Variants in GNG3 observed in about 807,000 individuals in gnomAD.
GNG3 encodes the protein guanine nucleotide-binding protein G(I)/G(S)/G(O) subunit gamma-3.
Under a neutral mutation model 5.6 loss-of-function variants are expected in GNG3, and 4 were observed. The ratio of observed to expected loss-of-function variants is 0.71; its 90% CI spans 0.35 to 1.63. The LOEUF (loss-of-function observed/expected upper bound fraction) is 1.63. Ranked by LOEUF, GNG3 falls within the 40% of genes most tolerant of loss-of-function variation. The pLI is 0.05. For missense variants in GNG3, 62 were observed against 96.6 expected (o/e 0.64, Z 1.50); for synonymous variants, 30 against 33.5 (o/e 0.89, Z 0.36).
chr11:62,708,182 A>T, intron 1 of GNG3, 113 bp from the exon 2 acceptor site: 1 of 762,278 alleles, frequency 1.3e-6, no homozygotes, highest in South Asian at 1.4e-5. Context: ...GGAGGATAGG[A>T]GGGGAACAAA....
chr11:62,707,554 A>C (rs114591017), upstream of GNG3: 2,149 of 593,714 alleles, frequency 3.6e-3, 30 homozygotes, highest in African/African-American at 0.033. Context: ...CAGAGTCAGG[A>C]TGCCTGCAAT....
In GNG3 at chr11:62,708,688, C is replaced by T. The variant is rs2083584360; in HGVS notation, c.110C>T (p.Ala37Val). 2 of 1,613,836 alleles carry T rather than the reference C, an allele frequency of 1.2e-6. No homozygotes were observed. Among genetic ancestry groups the T allele is most frequent in the East Asian group, 4.5e-5 (2 of 44,882 alleles). The change falls in exon 3 of 3, where the codon GCA (alanine) becomes GTA (valine). Residue 37 changes from alanine to valine, a missense_variant. Coordinates refer to ENST00000294117, the MANE Select transcript of GNG3 (RefSeq NM_012202.5). ...CTGGCTGTGTCCCAGGTGTCCAAGG[C>T]AGCAGCAGACCTGATGACTTACTGT... The part of the protein sequence containing the change: ...ASLCRIKVSK[A>V]AADLMTYCDA...
intron 2 of GNG3, 72 bp downstream of exon 2, chr11:62,708,466 A>G: frequency 2.3e-6 from 3 of 1,279,510 alleles, no homozygotes; most frequent in East Asian, 2.3e-5. Flanking sequence ...AAAGCTCAAG[A>G]TAAGAGATGC....
At position 62,708,285 on chromosome 11, in the gene GNG3, T is replaced by C. The variant is rs2083577063; in HGVS notation, c.-1-10T>C. On this transcript the variant is annotated splice_polypyrimidine_tract_variant and intron_variant, in intron 1 of 2. Transcript: ENST00000294117. ...GAGACTGTGCTCTGAGAGGTCCCTCTTTTTTCCAGGATGAAAGGTGAGACC... is the reference window on the plus strand; with the variant it reads ...GAGACTGTGCTCTGAGAGGTCCCTCCTTTTTCCAGGATGAAAGGTGAGACC... 1.3e-6 allele frequency: 2 copies of C among 1,590,120 alleles called. No homozygotes were observed. Among genetic ancestry groups the C allele is most frequent in the Non-Finnish European group, 1.7e-6 (2 of 1,157,948 alleles).
upstream of GNG3, chr11:62,706,463 C>G: frequency 2.5e-6 from 1 of 407,934 alleles, no homozygotes; most frequent in South Asian, 2.0e-5. Context: ...CACTGGCTCT[C>G]TCTGCGGCAG....
At chr11:62,706,762 G>A (rs961716839), upstream of GNG3, 1 of 537,814 alleles carries the variant, frequency 1.9e-6, no homozygotes, top group Admixed American at 2.3e-5. Context: ...GGCAACCTGG[G>A]CCTCTTGCGT....
chr11:62,707,264 G>A, upstream of GNG3: 1 of 1,331,950 alleles, frequency 7.5e-7, no homozygotes, highest in African/African-American at 1.5e-5. Flanking sequence ...GTGAAGTGGC[G>A]ATCCAGACGC....
Position 62,708,394 on chromosome 11 carries a change from G to A in GNG3, c.99G>A (p.Lys33=), listed in dbSNP as rs764339046. 1 of 1,606,800 alleles carries A rather than the reference G, an allele frequency of 6.2e-7. No individual in the cohort carries two copies. Among genetic ancestry groups the A allele is most frequent in the South Asian group, 1.1e-5 (1 of 90,954 alleles). Residue 33 remains lysine, a splice_region_variant and synonymous_variant, in exon 2 of 3, where the codon AAG becomes AAA. Transcript: ENST00000294117. The part of the protein sequence containing the change: ...LKIEASLCRI[K]VSKAAADLMT... ...TTGAAGCCAGCTTGTGTCGGATAAAGGTAGGTGGGACCCTGGCTGGCTCCC... is the reference window on the plus strand; with the variant it reads ...TTGAAGCCAGCTTGTGTCGGATAAAAGTAGGTGGGACCCTGGCTGGCTCCC...
Position 62,709,102 on chromosome 11 carries a change from C to A in GNG3, c.*296C>A. ...TGCCCGCTTCCCTCGGTGACCTGCT[C>A]AGACAATGGAGAGGGATGGGCCAGG... On this transcript the variant is annotated 3_prime_UTR_variant, in exon 3 of 3. Coordinates refer to ENST00000294117, the MANE Select transcript of GNG3 (RefSeq NM_012202.5). 2.1e-6 allele frequency: 1 copy of A among 481,628 alleles called. No individual in the cohort carries two copies. Among genetic ancestry groups the A allele is most frequent in the Admixed American group, 2.5e-5 (1 of 40,342 alleles). 29.8% of individuals were successfully genotyped at this position (481,628 alleles called of 1,614,324 possible). A position where few individuals can be genotyped will look rare whatever the true frequency, so the allele number is the denominator to read the frequency against.
chr11:62,707,416 T>C (rs1268803958), upstream of GNG3: 1 of 700,784 alleles, frequency 1.4e-6, no homozygotes, highest in African/African-American at 1.8e-5. Flanking sequence ...TGATGTCAGA[T>C]TTTCAAATGA....
upstream of GNG3, chr11:62,707,147 CCT>C (rs1264865368): frequency 1.3e-6 from 2 of 1,554,698 alleles, no homozygotes; most frequent in East Asian, 2.4e-5. Flanking sequence ...TCTCCGCACA[CCT>C]CTTTTTCCCC....
In GNG3 at chr11:62,708,969, C is replaced by G. The variant is rs1412959322; in HGVS notation, c.*163C>G. 3.0e-5 allele frequency: 20 copies of G among 658,664 alleles called. No individual in the cohort carries two copies. In the Admixed American group the frequency reaches 4.7e-4, roughly 15 times the overall value. The allele number at this position is 658,664 out of a possible 1,614,324, so 40.8% of individuals were successfully genotyped here. A position where few individuals can be genotyped will look rare whatever the true frequency, so the allele number is the denominator to read the frequency against. On this transcript the variant is annotated 3_prime_UTR_variant, in exon 3 of 3. Coordinates refer to ENST00000294117, the MANE Select transcript of GNG3 (RefSeq NM_012202.5). The stretch of plus-strand genomic sequence containing the variant: ...ACAAGGCCCACCCTCACCTATCTGT[C>G]GACCCCATTTCCTACCACCTTTGTG...
chr11:62,708,045 T>A, intron 1 of GNG3, 130 bp downstream of exon 1: 1 of 534,986 alleles, frequency 1.9e-6, no homozygotes, highest in Non-Finnish European at 3.4e-6. Context: ...TGAAAAGCCT[T>A]AAATCATTTG....
Position 62,708,983 on chromosome 11 carries a change from A to C in GNG3, c.*177A>C. ...CACCTATCTGTCGACCCCATTTCCTACCACCTTTGTGGCCGACCCCAAGCA... is the reference window on the plus strand; with the variant it reads ...CACCTATCTGTCGACCCCATTTCCTCCCACCTTTGTGGCCGACCCCAAGCA... On this transcript the variant is annotated 3_prime_UTR_variant, in exon 3 of 3. Coordinates refer to ENST00000294117, the MANE Select transcript of GNG3 (RefSeq NM_012202.5). The C allele has an allele frequency of 4.8e-6, 3 of 623,580 alleles. 1 individual carries two copies. The East Asian group carries it at 8.3e-5, about 17-fold the overall frequency. The allele number at this position is 623,580 out of a possible 1,614,324, so 38.6% of individuals were successfully genotyped here.
In GNG3 at chr11:62,709,158, G is replaced by A. The variant is rs1167888443; in HGVS notation, c.*352G>A. On this transcript the variant is annotated 3_prime_UTR_variant, in exon 3 of 3. Coordinates refer to ENST00000294117, the MANE Select transcript of GNG3 (RefSeq NM_012202.5). The stretch of plus-strand genomic sequence containing the variant: ...GCTCTCAGTCTCACCTGGAGCTACT[G>A]GGAGGGTAAAGCCATTTGAAGAATA... 6 of 471,180 alleles carry A rather than the reference G, an allele frequency of 1.3e-5. No homozygotes were observed. The highest frequency in any genetic ancestry group is 9.3e-5 in the South Asian group (6 of 64,606). The allele number at this position is 471,180 out of a possible 1,614,324, so 29.2% of individuals were successfully genotyped here. A position where few individuals can be genotyped will look rare whatever the true frequency, so the allele number is the denominator to read the frequency against.
At chr11:62,707,389 G>T, upstream of GNG3, 1 of 708,850 alleles carries the variant, frequency 1.4e-6, no homozygotes, top group Non-Finnish European at 2.6e-6. Context: ...AAAGGAGGAG[G>T]GGGGCGACTG....
At chr11:62,707,373 G>C, upstream of GNG3, 1 of 720,732 alleles carries the variant, frequency 1.4e-6, no homozygotes, top group Non-Finnish European at 2.5e-6. Context: ...TCAGAGTAGA[G>C]GGAGGAAAGG....
Position 62,708,970 on chromosome 11 carries a change from G to T in GNG3, c.*164G>T. 2 of 656,484 alleles carry T rather than the reference G, an allele frequency of 3.0e-6. No homozygotes were observed. The highest frequency in any genetic ancestry group is 5.4e-6 in the Non-Finnish European group (2 of 368,896). 40.7% of individuals were successfully genotyped at this position (656,484 alleles called of 1,614,324 possible). A position where few individuals can be genotyped will look rare whatever the true frequency, so the allele number is the denominator to read the frequency against. ...CAAGGCCCACCCTCACCTATCTGTC[G>T]ACCCCATTTCCTACCACCTTTGTGG... On this transcript the variant is annotated 3_prime_UTR_variant, in exon 3 of 3. Coordinates refer to ENST00000294117, the MANE Select transcript of GNG3 (RefSeq NM_012202.5).
At chr11:62,706,613 C>T, upstream of GNG3, 1 of 471,248 alleles carries the variant, frequency 2.1e-6, no homozygotes, top group South Asian at 1.5e-5. Flanking sequence ...CCGTGCACAC[C>T]TTCACCACAG....
Sources: gnomAD v4.1 joint callset for allele counts on GRCh38, gnomAD v4.1.1 for gene constraint, MANE v1.5 for transcripts, NCBI Gene and HGNC (gene_info 2026-07-23, HGNC 2026-07-21) for gene names.